The following RBPMS variants were observed in gnomAD, a reference collection of about 807,000 sequenced individuals.
The protein encoded by RBPMS is RNA-binding protein with multiple splicing.
A neutral mutation model predicts 26.8 loss-of-function variants in RBPMS; 7 were observed. The ratio of observed to expected loss-of-function variants is 0.26; its 90% confidence interval spans 0.15 to 0.49. The LOEUF (loss-of-function observed/expected upper bound fraction) is 0.49. Ranked by LOEUF, RBPMS falls within the 20% of genes least tolerant of loss-of-function variation. RBPMS has a pLI of 0.98. For missense variants in RBPMS, 186 were observed against 250.0 expected (o/e 0.74, Z 1.73); for synonymous variants, 96 against 93.3 (o/e 1.03, Z -0.17).
intron 5 of RBPMS, among the ~76,000 whole-genome samples, chr8:30,521,161 A>G (rs1822980602): frequency 6.6e-6 from 1 of 152,220 alleles, no homozygotes; most frequent in African/African-American, 2.4e-5. Flanking sequence ...GTAGTGTGCC[A>G]TTGATGGAGC....
At chr8:30,485,344 T>C (rs933461373) in intron 4 of RBPMS, among the ~76,000 whole-genome samples, 13 of 152,186 alleles carry the variant, frequency 8.5e-5, no homozygotes, top group African/African-American at 3.1e-4. Context: ...TATATCAATA[T>C]GTTTCTTATC....
At chr8:30,452,995 T>G (rs1342944703) in intron 1 of RBPMS, among the ~76,000 whole-genome samples, 2 of 152,224 alleles carry the variant, frequency 1.3e-5, no homozygotes, top group Non-Finnish European at 2.9e-5. Context: ...CAAGTGTGGT[T>G]ACTTGATACA....
At chr8:30,443,146 C>T (rs1813319813) in intron 1 of RBPMS, among the ~76,000 whole-genome samples, 1 of 152,060 alleles carries the variant, frequency 6.6e-6, no homozygotes, top group Non-Finnish European at 1.5e-5. Flanking sequence ...CTCCACAACC[C>T]GAATCTGGAA....
intron 1 of RBPMS, among the ~76,000 whole-genome samples, chr8:30,436,297 T>C (rs1247997214): frequency 6.6e-6 from 1 of 152,204 alleles, no homozygotes; most frequent in Non-Finnish European, 1.5e-5. Flanking sequence ...GTTCCAATGG[T>C]TGCACACTCC....
chr8:30,549,804 T>TCCCCCC (rs199583737), intron 6 of RBPMS, among the ~76,000 whole-genome samples: 9 of 102,790 alleles, frequency 8.8e-5, no homozygotes, highest in Non-Finnish European at 1.1e-4. Flanking sequence ...CTCCCCTCTC[T>TCCCCCC]CCTCTCTCTC....
At position 30,547,443 on chromosome 8, in the gene RBPMS, T is replaced by TC. The variant is rs1208875139; in HGVS notation, c.528+2825dup. On this transcript the variant is annotated intron_variant, in intron 6 of 8. Coordinates refer to ENST00000397323, the MANE Select transcript of RBPMS (RefSeq NM_001008710.3). Reference sequence around the variant, plus strand: ...TGTTGAATTTGTTTGTTAGCTATTTTCCCCCCTTTCACAAAAACTATTTCT... The same window carrying TC: ...TGTTGAATTTGTTTGTTAGCTATTTTCCCCCCCTTTCACAAAAACTATTTCT... 4.4e-6 allele frequency: 7 copies of TC among 1,579,624 alleles called. No homozygotes were observed. The African/African-American group carries it at 9.6e-5, about 22-fold the overall frequency.
At chr8:30,473,337 A>G (rs971413620) in intron 1 of RBPMS, among the ~76,000 whole-genome samples, 2 of 152,114 alleles carry the variant, frequency 1.3e-5, no homozygotes, top group Non-Finnish European at 2.9e-5. Context: ...TCTTACTCAG[A>G]TGCTTTCTCT....
chr8:30,449,597 C>G (rs1292544341), intron 1 of RBPMS, among the ~76,000 whole-genome samples: 2 of 152,204 alleles, frequency 1.3e-5, no homozygotes, highest in African/African-American at 4.8e-5. Flanking sequence ...TCTCAAACTC[C>G]TGACCTCAGG....
At chr8:30,439,166 T>C (rs751685567) in intron 1 of RBPMS, among the ~76,000 whole-genome samples, 1 of 152,338 alleles carries the variant, frequency 6.6e-6, no homozygotes, top group East Asian at 1.9e-4. Context: ...TTGTTCTTAT[T>C]TGAGACTAAA....
chr8:30,504,392 C>T lies in RBPMS; in HGVS notation c.353C>T (p.Thr118Ile), dbSNP rs188622867. ...CTCGTAGGGACTCCAAACCCCAGTA[C>T]TCCTCTGCCCAACACTGTACCTCAG... Reference protein sequence around the residue: ...NKLVGTPNPSTPLPNTVPQFI... With the variant: ...NKLVGTPNPSIPLPNTVPQFI... Residue 118 changes from threonine to isoleucine, a missense_variant, in exon 5 of 9, where the codon ACT (threonine) becomes ATT (isoleucine). Thr to Ile is a moderately conservative substitution (Grantham distance 89, BLOSUM62 -1). Around this residue, in one of 3 missense-constraint regions of RBPMS, gnomAD observed 98 missense variants for 113.6 expected, o/e 0.86. Coordinates refer to ENST00000397323, the MANE Select transcript of RBPMS (RefSeq NM_001008710.3). The T allele has an allele frequency of 1.7e-5, 27 of 1,614,196 alleles. No individual in the cohort carries two copies. In the Admixed American group the frequency reaches 4.5e-4, roughly 27 times the overall value.
At chr8:30,504,682 T>G (rs1820909662) in intron 5 of RBPMS, among the ~76,000 whole-genome samples, 1 of 152,218 alleles carries the variant, frequency 6.6e-6, no homozygotes, top group African/African-American at 2.4e-5. Flanking sequence ...GTACTACAGA[T>G]TTCCTTAATG....
At chr8:30,557,420 A>C (rs1827037321) in intron 6 of RBPMS, among the ~76,000 whole-genome samples, 1 of 152,032 alleles carries the variant, frequency 6.6e-6, no homozygotes, top group Non-Finnish European at 1.5e-5. Context: ...CTCATCCTGG[A>C]TTCTGACCCC....
At chr8:30,497,809 A>T (rs1387140846) in intron 4 of RBPMS, among the ~76,000 whole-genome samples, 1 of 151,756 alleles carries the variant, frequency 6.6e-6, no homozygotes, top group Admixed American at 6.6e-5. Context: ...TTTTTAGTAG[A>T]GATGGGGTTT....
intron 5 of RBPMS, among the ~76,000 whole-genome samples, chr8:30,535,995 CAATA>C (rs1003729788): frequency 3.3e-5 from 5 of 152,054 alleles, no homozygotes; most frequent in African/African-American, 1.2e-4. Flanking sequence ...TAAAATAAAT[CAATA>C]AATAATGAAT....
intron 1 of RBPMS, among the ~76,000 whole-genome samples, chr8:30,456,094 T>G (rs1815173537): frequency 6.6e-6 from 1 of 152,058 alleles, no homozygotes; most frequent in South Asian, 2.1e-4. Flanking sequence ...GAGCAATAAT[T>G]TTGTTGTGTG....
At chr8:30,532,882 AC>A (rs1824383839) in intron 5 of RBPMS, among the ~76,000 whole-genome samples, 1 of 152,200 alleles carries the variant, frequency 6.6e-6, no homozygotes, top group South Asian at 2.1e-4. Flanking sequence ...ACCGAGGACC[AC>A]CAGGATACAT....
At position 30,568,266 on chromosome 8, in the gene RBPMS, C is replaced by T. The variant is rs117912082; in HGVS notation, c.*111+1906C>T. Among the ~76,000 whole-genome samples the T allele has an allele frequency of 7.9e-3, 1,202 of 152,216 alleles. 32 individuals are homozygous for T. Among genetic ancestry groups the T allele is most frequent in the Admixed American group, 0.055 (833 of 15,284 alleles). ...CTTATCTGACTTGGTAACCAGGAAG[C>T]CTTAGAAACTCTTGGGGAAGGAATC... On this transcript the variant is annotated intron_variant, in intron 8 of 8. Coordinates refer to ENST00000397323, the MANE Select transcript of RBPMS (RefSeq NM_001008710.3).
chr8:30,556,052 T>C, intron 6 of RBPMS: 4 of 985,414 alleles, frequency 4.1e-6, no homozygotes, highest in Non-Finnish European at 4.8e-6. Flanking sequence ...CAGCGGAGCC[T>C]CTCAGGCTGG....
At chr8:30,538,502 C>T (rs1825043256) in intron 5 of RBPMS, among the ~76,000 whole-genome samples, 2 of 152,164 alleles carry the variant, frequency 1.3e-5, no homozygotes, top group Non-Finnish European at 2.9e-5. Context: ...GTAATCCACC[C>T]GCTTCGGCCT....
Sources: allele counts gnomAD v4.1 joint callset (sites outside exome capture counted in the v4.1 genomes callset), GRCh38; gene constraint gnomAD v4.1.1; regional missense constraint gnomAD v4.1.1; transcripts MANE v1.5; gene names NCBI Gene and HGNC (gene_info 2026-07-23, HGNC 2026-07-21).